Variants in HAUS6 observed in about 807,000 individuals in gnomAD.
HAUS6 encodes the protein HAUS augmin like complex subunit 6, also known as HAUS augmin-like complex subunit 6.
In HAUS6, 80 loss-of-function variants were observed where a neutral mutation model predicts 106.8. The ratio of observed to expected loss-of-function variants is 0.75; its 90% CI spans 0.63 to 0.90. The LOEUF (loss-of-function observed/expected upper bound fraction) is 0.90, where lower values mean the gene tolerates loss of function less well. HAUS6 is among the 40% of genes least tolerant of loss of function. HAUS6 has a pLI of 0.00. For synonymous variants in HAUS6, 356 were observed against 379.1 expected (o/e 0.94, Z 0.71); for missense variants, 1,155 against 1,118.1 (o/e 1.03, Z -0.47).
At position 19,054,951 on chromosome 9, in the gene HAUS6, TC is replaced by T. The variant is rs1254148888; in HGVS notation, c.*1391del. The T allele has an allele frequency of 1.3e-5, 2 of 152,234 alleles. No homozygotes were observed. Among genetic ancestry groups the T allele is most frequent in the Admixed American group, 6.5e-5 (1 of 15,278 alleles). 9.4% of individuals were successfully genotyped at this position (152,234 alleles called of 1,614,324 possible). A position where few individuals can be genotyped will look rare whatever the true frequency, so the allele number is the denominator to read the frequency against. On this transcript the variant is annotated 3_prime_UTR_variant, in exon 17 of 17. Coordinates refer to ENST00000380502, the MANE Select transcript of HAUS6 (RefSeq NM_017645.5). ...AAGGTTTCCCCATAGACCTGCATAG[TC>T]CCTGATTTGTTTTATTAACTAATAA...
chr9:19,080,132 C>T (rs1837106589), intron 9 of HAUS6, among the ~76,000 whole-genome samples: 1 of 138,978 alleles, frequency 7.2e-6, no homozygotes. Flanking sequence ...CAAGATCGCG[C>T]CATTGCACTC....
intron 7 of HAUS6, among the ~76,000 whole-genome samples, chr9:19,083,870 T>A (rs999183290): frequency 6.6e-6 from 1 of 151,882 alleles, no homozygotes; most frequent in African/African-American, 2.4e-5. Flanking sequence ...TCATTCAGTT[T>A]GAGGAAGTTA....
At chr9:19,089,267 AAAG>A (rs202172565) in intron 5 of HAUS6, 142 bp downstream of exon 5, 62,202 of 603,620 alleles carry the variant, frequency 0.1, 1,848 homozygotes, top group Admixed American at 0.13. Context: ...GGAAAAAAAA[AAAG>A]AAGAAGAAGT....
intron 4 of HAUS6, among the ~76,000 whole-genome samples, chr9:19,091,085 G>T (rs1413592231): frequency 6.6e-6 from 1 of 152,014 alleles, no homozygotes; most frequent in African/African-American, 2.4e-5. Context: ...TGGATCACAA[G>T]GTCAGGAGTT....
At chr9:19,099,528 C>T (rs975120218) in intron 1 of HAUS6, among the ~76,000 whole-genome samples, 1 of 152,200 alleles carries the variant, frequency 6.6e-6, no homozygotes, top group Admixed American at 6.6e-5. Context: ...GCAGTGCTAC[C>T]ATCATAGCTC....
intron 16 of HAUS6, 100 bp from the exon 17 acceptor site, chr9:19,056,504 A>G (rs1234025979): frequency 2.9e-6 from 2 of 690,388 alleles, no homozygotes; most frequent in African/African-American, 1.8e-5. Flanking sequence ...AAAAAGGTTC[A>G]TAGCTTTGCA....
At chr9:19,091,257 G>A (rs997115758) in intron 4 of HAUS6, among the ~76,000 whole-genome samples, 1 of 151,318 alleles carries the variant, frequency 6.6e-6, no homozygotes, top group Non-Finnish European at 1.5e-5. Flanking sequence ...CCGAGATCGC[G>A]CCACCGCACT....
intron 1 of HAUS6, among the ~76,000 whole-genome samples, chr9:19,097,334 T>C (rs1238021535): frequency 6.6e-6 from 1 of 151,778 alleles, no homozygotes; most frequent in Non-Finnish European, 1.5e-5. Context: ...AGGGAGAAAA[T>C]TTTGCAACCT....
chr9:19,097,767 T>TAA (rs570246354), intron 1 of HAUS6, among the ~76,000 whole-genome samples: 212 of 138,112 alleles, frequency 1.5e-3, no homozygotes, highest in African/African-American at 5.1e-3. Context: ...AAACAAAGCC[T>TAA]AAAAAAAAAA....
chr9:19,058,232 G>A lies in HAUS6; in HGVS notation c.2535C>T (p.Ser845=), dbSNP rs371362977. The A allele has an allele frequency of 8.6e-5, 138 of 1,613,678 alleles. 1 individual carries two copies. Among genetic ancestry groups the A allele is most frequent in the Middle Eastern group, 3.3e-4 (2 of 6,078 alleles). Residue 845 remains serine (S), a synonymous_variant, in exon 16 of 17, where the codon TCC becomes TCT. Transcript: ENST00000380502. ...AGAGGTAAGATTCTTCCCTTTTCTT[G>A]GAAAGAGATTTCTTCAGAGCCTCGT... ...SRYEALKKSL[S]KKREESYLSN...
At position 19,058,311 on chromosome 9, in the gene HAUS6, C is replaced by T. The variant is rs1564005683; in HGVS notation, c.2456G>A (p.Gly819Glu). 1.2e-6 allele frequency: 2 copies of T among 1,613,448 alleles called. No individual in the cohort carries two copies. Among genetic ancestry groups the T allele is most frequent in the Non-Finnish European group, 1.7e-6 (2 of 1,179,512 alleles). Reference protein sequence around the residue: ...GGTLLEDVVGGRQTTPESDFN... With the variant: ...GGTLLEDVVGERQTTPESDFN... Reference sequence around the variant, plus strand: ...GTCTGATTCTGGAGTAGTCTGTCTCCCTCCCACAACATCTTCTAGAAGAGT... The same window carrying T: ...GTCTGATTCTGGAGTAGTCTGTCTCTCTCCCACAACATCTTCTAGAAGAGT... Residue 819 changes from glycine to glutamate, a missense_variant, in exon 16 of 17, where the codon GGG (glycine) becomes GAG (glutamate). This residue lies in a region of HAUS6 where 380 missense variants were observed against 394.8 expected (regional missense o/e 0.96). Coordinates refer to ENST00000380502, the MANE Select transcript of HAUS6 (RefSeq NM_017645.5).
At chr9:19,073,423 A>AG (rs1836920769) in intron 11 of HAUS6, among the ~76,000 whole-genome samples, 2 of 68,956 alleles carry the variant, frequency 2.9e-5, no homozygotes, top group Non-Finnish European at 5.3e-5. Context: ...CTATACTAGG[A>AG]AAAAAAAAAA....
At chr9:19,081,121 CA>C (rs533253521) in intron 8 of HAUS6, among the ~76,000 whole-genome samples, 1 of 151,908 alleles carries the variant, frequency 6.6e-6, no homozygotes, top group South Asian at 2.1e-4. Flanking sequence ...CAAATACCCC[CA>C]AACATAAAAT....
At position 19,076,651 on chromosome 9, in the gene HAUS6, T is replaced by A; in HGVS notation, c.1245A>T (p.Glu415Asp). 3.1e-6 allele frequency: 5 copies of A among 1,596,524 alleles called. No individual in the cohort carries two copies. The highest frequency in any genetic ancestry group is 4.3e-6 in the Non-Finnish European group (5 of 1,164,874). ...MSPLSFDPAS[E>D]EVYAKSILCQ... ...AAAGAATACTCTTTGCATACACTTCTTCTGAGGCAGGATCAAACGAAAGGG... is the reference window on the plus strand; with the variant it reads ...AAAGAATACTCTTTGCATACACTTCATCTGAGGCAGGATCAAACGAAAGGG... The change falls in exon 11 of 17, where the codon GAA becomes GAT. Residue 415 changes from glutamate (E) to aspartate (D), a missense_variant. Glu to Asp is a conservative substitution (Grantham distance 45, BLOSUM62 2). Transcript: ENST00000380502.
In HAUS6 at chr9:19,088,797, G is replaced by C. The variant is rs544627897; in HGVS notation, c.584+615C>G. Reference sequence around the variant, plus strand: ...GGAGCCTGAGGCAGGAGAATCGTTTGAACCCAGAAGGTGGAGGTTGCAGTG... The same window carrying C: ...GGAGCCTGAGGCAGGAGAATCGTTTCAACCCAGAAGGTGGAGGTTGCAGTG... On this transcript the variant is annotated intron_variant, in intron 5 of 16. Transcript: ENST00000380502. 8.7e-5 allele frequency among the ~76,000 whole-genome samples: 13 copies of C among 150,018 alleles called. No individual in the cohort carries two copies. The East Asian group carries it at 2.5e-3, about 29-fold the overall frequency.
chr9:19,070,076 C>G, intron 12 of HAUS6, 143 bp downstream of exon 12: 1 of 604,474 alleles, frequency 1.7e-6, no homozygotes, highest in Non-Finnish European at 3.0e-6. Context: ...TGCGTTTTTA[C>G]AATCCTCTTG....
At chr9:19,060,363 A>C in intron 14 of HAUS6, 140 bp from the exon 15 acceptor site, 1 of 615,254 alleles carries the variant, frequency 1.6e-6, no homozygotes, top group Non-Finnish European at 2.7e-6. Context: ...GCAACAAAGA[A>C]GTTCCCCAAC....
At position 19,094,374 on chromosome 9, in the gene HAUS6, G is replaced by A. The variant is rs371605568; in HGVS notation, c.246C>T (p.Asp82=). The change falls in exon 3 of 17, where the codon GAC becomes GAT. Residue 82 remains aspartate (D), a synonymous_variant. Transcript: ENST00000380502. ...TTCGGAATTCAGTGTCACTTTTTTG[G>A]TCAAATGGGGGCCAACAAAATCTGG... ...EVFKFCWPPF[D]QKSDTEFRKH... 6.2e-7 allele frequency: 1 copy of A among 1,603,784 alleles called. No individual in the cohort carries two copies. Among genetic ancestry groups the A allele is most frequent in the Admixed American group, 1.7e-5 (1 of 59,528 alleles).
At chr9:19,096,644 A>AT (rs1334560861) in intron 2 of HAUS6, 30 bp downstream of exon 2, 1 of 973,718 alleles carries the variant, frequency 1.0e-6, no homozygotes. Context: ...TTGGAAAGAA[A>AT]TTTAAGAAAA....
Sources: gnomAD v4.1 joint callset for allele counts (sites outside exome capture counted in the v4.1 genomes callset) on GRCh38, gnomAD v4.1.1 for gene constraint, gnomAD v4.1.1 regional missense constraint, MANE v1.5 for transcripts, NCBI Gene and HGNC (gene_info 2026-07-23, HGNC 2026-07-21) for gene names.